The following NRXN2 variants were observed in gnomAD, a reference collection of about 807,000 sequenced individuals.
NRXN2 encodes neurexin 2, also known as neurexin-2-beta.
In NRXN2, 29 loss-of-function variants were observed where a neutral mutation model predicts 128.8. That is an observed-to-expected ratio of 0.23 (90% confidence interval 0.17 to 0.31). The LOEUF (loss-of-function observed/expected upper bound fraction) is 0.31. Ranked by LOEUF, NRXN2 falls within the 10% of genes least tolerant of loss-of-function variation. The pLI is 1.00. For synonymous variants in NRXN2, 1,098 were observed against 1,075.2 expected, an observed-to-expected ratio of 1.02 and a Z score of -0.41; for missense variants, 1,881 against 2,452.6, an observed-to-expected ratio of 0.77 and a Z score of 4.92.
chr11:64,655,779 G>C (rs1273146061), intron 11 of NRXN2, among the ~76,000 whole-genome samples: 1 of 152,230 alleles, frequency 6.6e-6, no homozygotes, highest in Non-Finnish European at 1.5e-5. Context: ...TGGGCACCCA[G>C]AGGGAAGCCA....
rs778165988 is a variant in NRXN2 at position 64,685,711 on chromosome 11, G to T, written c.1087C>A (p.Pro363Thr). The T allele has an allele frequency of 5.0e-6, 8 of 1,614,110 alleles. No homozygotes were observed. Among genetic ancestry groups the T allele is most frequent in the Non-Finnish European group, 6.8e-6 (8 of 1,180,056 alleles). Residue 363 changes from proline to threonine, a missense_variant, in exon 6 of 23, where the codon CCC becomes ACC. Around this residue, in one of 7 missense-constraint regions of NRXN2, gnomAD observed 997 missense variants for 1,240.8 expected, o/e 0.80. Coordinates refer to ENST00000265459, the MANE Select transcript of NRXN2 (RefSeq NM_015080.4). ...GSGAFEALVE[P>T]VNGKFNDNAW... The stretch of plus-strand genomic sequence containing the variant: ...TTGTCGTTGAACTTGCCATTGACGG[G>T]TTCCACAAGGGCCTCGAAGGCACCT...
At chr11:64,676,887 A>G in intron 7 of NRXN2, 106 bp downstream of exon 7, 2 of 923,182 alleles carry the variant, frequency 2.2e-6, no homozygotes, top group Non-Finnish European at 3.5e-6. Context: ...TGGAAGAGCA[A>G]AACAACCAAA....
At chr11:64,634,447 G>A (rs889624197) in intron 18 of NRXN2, among the ~76,000 whole-genome samples, 5 of 152,182 alleles carry the variant, frequency 3.3e-5, no homozygotes, top group African/African-American at 1.2e-4. Flanking sequence ...GAAAGAAAAG[G>A]GGCCACTTGC....
Position 64,692,827 on chromosome 11 carries a change from A to AC in NRXN2, c.778+19dup, listed in dbSNP as rs1210816469. ...TTGGGGGCAATCCAATCCAAACCAA[A>AC]CCAAAACTTCAAACCATACCTTCGC... On this transcript the variant is annotated intron_variant, in intron 4 of 22. Transcript: ENST00000265459. 2 of 1,613,966 alleles carry AC rather than the reference A, an allele frequency of 1.2e-6. No homozygotes were observed. Among genetic ancestry groups the AC allele is most frequent in the African/African-American group, 2.7e-5 (2 of 74,892 alleles).
At position 64,609,864 on chromosome 11, in the gene NRXN2, C is replaced by A. The variant is rs10897519; in HGVS notation, c.4253-1782G>T. ...TGCAGGGTGTGGTCTTCATAGATCACGCCCAGAAGCCCCTCAGCCTCTTGG... is the reference window on the plus strand; with the variant it reads ...TGCAGGGTGTGGTCTTCATAGATCAAGCCCAGAAGCCCCTCAGCCTCTTGG... On this transcript the variant is annotated intron_variant, in intron 22 of 22. Coordinates refer to ENST00000265459, the MANE Select transcript of NRXN2 (RefSeq NM_015080.4). 2.0e-5 allele frequency among the ~76,000 whole-genome samples: 3 copies of A among 151,754 alleles called. No individual in the cohort carries two copies. In the East Asian group the frequency reaches 5.8e-4, roughly 29 times the overall value.
chr11:64,675,605 G>C (rs1017344016), intron 7 of NRXN2: 2 of 152,346 alleles, frequency 1.3e-5, no homozygotes, highest in Non-Finnish European at 2.9e-5. Flanking sequence ...TGCAGAGCCA[G>C]GACTGGGCAG....
At chr11:64,621,023 AG>A (rs1206844676) in intron 21 of NRXN2, among the ~76,000 whole-genome samples, 1 of 151,962 alleles carries the variant, frequency 6.6e-6, no homozygotes, top group Non-Finnish European at 1.5e-5. Flanking sequence ...AGGAGACCCA[AG>A]GAGGGAAATC....
At chr11:64,701,323 G>A (rs2055321277) in intron 2 of NRXN2, among the ~76,000 whole-genome samples, 1 of 152,114 alleles carries the variant, frequency 6.6e-6, no homozygotes, top group African/African-American at 2.4e-5. Context: ...CGACAATCCA[G>A]GCTGCAGCCA....
rs1476774418 is a variant in NRXN2, at chr11:64,651,403, T to C, written c.2770A>G (p.Ser924Gly). Residue 924 changes from serine (S) to glycine (G), a missense_variant, in exon 14 of 23, where the codon AGT becomes GGT. Coordinates refer to ENST00000265459, the MANE Select transcript of NRXN2 (RefSeq NM_015080.4). This position sits in a 1 kb window ranked among gnomAD's most constrained non-coding sequence, Gnocchi z 5.9. Reference sequence around the variant, plus strand: ...GCGAGTGCCAGGTAGCTGCTGCGACTCTTGAAGGTGACGGGATCGGCCACG... The same window carrying C: ...GCGAGTGCCAGGTAGCTGCTGCGACCCTTGAAGGTGACGGGATCGGCCACG... ...AIVADPVTFK[S>G]RSSYLALATL... 1 of 1,614,174 alleles carries C rather than the reference T, an allele frequency of 6.2e-7. No individual in the cohort carries two copies. Among genetic ancestry groups the C allele is most frequent in the South Asian group, 1.1e-5 (1 of 91,084 alleles).
At chr11:64,645,254 G>A (rs768422880) in intron 17 of NRXN2, among the ~76,000 whole-genome samples, 2 of 152,082 alleles carry the variant, frequency 1.3e-5, no homozygotes, top group Non-Finnish European at 2.9e-5. Context: ...AGCCGGTGGC[G>A]AGAGGAAAGG....
At chr11:64,718,986 C>T (rs1341891539) in intron 1 of NRXN2, among the ~76,000 whole-genome samples, 1 of 152,176 alleles carries the variant, frequency 6.6e-6, no homozygotes. Flanking sequence ...TGGTAAGTTA[C>T]TCAGCCTCTC....
intron 17 of NRXN2, among the ~76,000 whole-genome samples, chr11:64,647,421 C>A (rs1436586093): frequency 6.6e-6 from 1 of 152,088 alleles, no homozygotes; most frequent in Admixed American, 6.5e-5. Flanking sequence ...AAGGTTGCCT[C>A]CCCGCCATTC....
rs149276564 is a variant in NRXN2, at chr11:64,671,962, A to G, written c.1198-3358T>C. Among the ~76,000 whole-genome samples the G allele has an allele frequency of 3.3e-3, 505 of 152,058 alleles. 3 individuals carry two copies. Among genetic ancestry groups the G allele is most frequent in the African/African-American group, 0.011 (460 of 41,458 alleles). On this transcript the variant is annotated intron_variant, in intron 7 of 22. Transcript: ENST00000265459. ...GGACCTTCCAGCTCTCTCCTTCCAA[A>G]CAGCATCACTGAGACACAGCAGAGT...
chr11:64,705,868 C>A (rs1041565087), intron 2 of NRXN2, among the ~76,000 whole-genome samples: 1 of 149,236 alleles, frequency 6.7e-6, no homozygotes. Context: ...GAGGAAGAAT[C>A]CTACAGTTTC....
At chr11:64,696,911 G>A (rs1440780279) in intron 3 of NRXN2, among the ~76,000 whole-genome samples, 1 of 152,184 alleles carries the variant, frequency 6.6e-6, no homozygotes, top group Admixed American at 6.5e-5. Context: ...CCCAGAGGAG[G>A]AGAAGAAACA....
chr11:64,658,205 C>T (rs2048527785), intron 11 of NRXN2, among the ~76,000 whole-genome samples: 1 of 152,152 alleles, frequency 6.6e-6, no homozygotes, highest in Non-Finnish European at 1.5e-5. Flanking sequence ...CTGCTGTGTC[C>T]CCAGCAAGCA....
intron 22 of NRXN2, among the ~76,000 whole-genome samples, chr11:64,612,488 A>G (rs1377478743): frequency 6.6e-6 from 1 of 152,234 alleles, no homozygotes; most frequent in South Asian, 2.1e-4. Flanking sequence ...GCATCCTAAG[A>G]AAAACTGAAT....
At chr11:64,627,021 G>A (rs941420790) in intron 19 of NRXN2, among the ~76,000 whole-genome samples, 4 of 152,130 alleles carry the variant, frequency 2.6e-5, no homozygotes, top group Non-Finnish European at 5.9e-5. Context: ...TGGGTTAAGC[G>A]GGGTTTATGC....
At position 64,713,754 on chromosome 11, in the gene NRXN2, C is replaced by A; in HGVS notation, c.-55G>T. The A allele has an allele frequency of 1.0e-6, 1 of 986,416 alleles. No homozygotes were observed. The highest frequency in any genetic ancestry group is 1.2e-6 in the Non-Finnish European group (1 of 822,758). The allele number at this position is 986,416 out of a possible 1,614,324, so 61.1% of individuals were successfully genotyped here. On this transcript the variant is annotated 5_prime_UTR_variant, in exon 2 of 23. Coordinates refer to ENST00000265459, the MANE Select transcript of NRXN2 (RefSeq NM_015080.4). ...CCCGGCCCCCGCTCAGGCTTCAGAG[C>A]CGCGGGCGCATGGGGCGGGAGGGGG...
Sources: gnomAD v4.1 joint callset for allele counts (sites outside exome capture counted in the v4.1 genomes callset) on GRCh38, gnomAD v4.1.1 for gene constraint, gnomAD v4.1.1 regional missense constraint, Gnocchi (gnomAD v3.1) non-coding constraint, MANE v1.5 for transcripts, NCBI Gene and HGNC (gene_info 2026-07-23, HGNC 2026-07-21) for gene names.